GRIP1: variants seen among roughly 807,000 people sequenced by gnomAD.
GRIP1 encodes glutamate receptor interacting protein 1.
Under a neutral mutation model 129.9 loss-of-function variants are expected in GRIP1, and 45 were observed. The ratio of observed to expected loss-of-function variants is 0.35; its 90% CI spans 0.27 to 0.44. GRIP1 has a LOEUF of 0.44. Ranked by LOEUF, GRIP1 falls within the 20% of genes least tolerant of loss-of-function variation. The pLI, the probability that GRIP1 is intolerant of heterozygous loss-of-function variation, is 1.00. For synonymous variants in GRIP1, 530 were observed against 520.8 expected (o/e 1.02, Z -0.24); for missense variants, 1,196 against 1,396.8 (o/e 0.86, Z 2.29).
intron 1 of GRIP1, among the ~76,000 whole-genome samples, chr12:66,928,906 C>T (rs773271733): frequency 2.0e-5 from 3 of 152,136 alleles, no homozygotes; most frequent in Non-Finnish European, 4.4e-5. Flanking sequence ...CACTGTGTAT[C>T]CCCAGGGAAA....
At chr12:66,962,439 G>A (rs2041934924) in intron 1 of GRIP1, among the ~76,000 whole-genome samples, 1 of 152,112 alleles carries the variant, frequency 6.6e-6, no homozygotes, top group Admixed American at 6.6e-5. Flanking sequence ...TGAAGCATGA[G>A]GCCTTTGCAA....
At chr12:66,376,426 A>G (rs1414452432) in intron 22 of GRIP1, among the ~76,000 whole-genome samples, 1 of 152,212 alleles carries the variant, frequency 6.6e-6, no homozygotes, top group East Asian at 1.9e-4. Flanking sequence ...AAGAACATAA[A>G]AGGAAACAGT....
intron 1 of GRIP1, among the ~76,000 whole-genome samples, chr12:66,694,678 A>C (rs938324258): frequency 6.6e-6 from 1 of 152,172 alleles, no homozygotes; most frequent in African/African-American, 2.4e-5. Flanking sequence ...ATTGCTGGTG[A>C]TATTAACTTA....
At chr12:66,457,986 T>C (rs1010350745) in intron 9 of GRIP1, among the ~76,000 whole-genome samples, 2 of 152,262 alleles carry the variant, frequency 1.3e-5, no homozygotes, top group Admixed American at 6.5e-5. Context: ...CAAATGAGTT[T>C]AGAGTATATT....
In GRIP1 at chr12:66,417,106, C is replaced by A. The variant is rs535211261; in HGVS notation, c.1838+3614G>T. On this transcript the variant is annotated intron_variant, in intron 15 of 24. Transcript: ENST00000359742. ...ATGATTCATCACAACCAAGTTGGAT[C>A]ACAACCCAGGGATTAAAAGATGGTG... is the stretch of plus-strand genomic sequence containing the variant. Among the ~76,000 whole-genome samples the A allele has an allele frequency of 2.0e-5, 3 of 152,178 alleles. No individual in the cohort carries two copies. The East Asian group carries it at 5.8e-4, about 29-fold the overall frequency.
At chr12:66,791,522 A>C (rs954410799) in intron 1 of GRIP1, among the ~76,000 whole-genome samples, 2 of 152,268 alleles carry the variant, frequency 1.3e-5, no homozygotes, top group African/African-American at 4.8e-5. Flanking sequence ...TGAAGACCAC[A>C]GATGGTTTGA....
chr12:66,387,556 G>T (rs549821774), intron 19 of GRIP1, among the ~76,000 whole-genome samples: 1 of 152,242 alleles, frequency 6.6e-6, no homozygotes, highest in South Asian at 2.1e-4. Flanking sequence ...GAGAGCAAAG[G>T]CATAGAAAAA....
chr12:67,022,014 T>C (rs750506661), intron 1 of GRIP1, among the ~76,000 whole-genome samples: 16 of 152,180 alleles, frequency 1.1e-4, no homozygotes, highest in Non-Finnish European at 2.1e-4. Flanking sequence ...TAGTATTCCA[T>C]GGTGTGTATG....
chr12:66,646,729 G>A (rs2032401869), intron 1 of GRIP1, among the ~76,000 whole-genome samples: 1 of 152,148 alleles, frequency 6.6e-6, no homozygotes, highest in Non-Finnish European at 1.5e-5. Context: ...CCACCCCATT[G>A]ATGGGATAAG....
At chr12:66,892,296 C>T (rs1351854899) in intron 1 of GRIP1, among the ~76,000 whole-genome samples, 1 of 152,184 alleles carries the variant, frequency 6.6e-6, no homozygotes, top group Non-Finnish European at 1.5e-5. Flanking sequence ...TGGATGACTA[C>T]AGCAGCCTCC....
chr12:66,770,757 G>A (rs2037792198), intron 1 of GRIP1, among the ~76,000 whole-genome samples: 1 of 152,024 alleles, frequency 6.6e-6, no homozygotes, highest in African/African-American at 2.4e-5. Context: ...CTATTTCATG[G>A]TACCAGTAAC....
chr12:66,735,964 GA>G (rs2036581746), intron 1 of GRIP1, among the ~76,000 whole-genome samples: 1 of 152,082 alleles, frequency 6.6e-6, no homozygotes, highest in South Asian at 2.1e-4. Flanking sequence ...TGAGAAGAGG[GA>G]TCTTGAGACA....
chr12:66,707,422 T>C (rs2035567785), intron 1 of GRIP1, among the ~76,000 whole-genome samples: 1 of 150,648 alleles, frequency 6.6e-6, no homozygotes, highest in African/African-American at 2.4e-5. Flanking sequence ...TAATGTACGA[T>C]TTAAAATTAC....
chr12:66,370,312 T>C (rs957080541), intron 23 of GRIP1, among the ~76,000 whole-genome samples: 4 of 152,116 alleles, frequency 2.6e-5, no homozygotes, highest in African/African-American at 4.8e-5. Context: ...CCCTGGGGAG[T>C]TGTAATACGT....
intron 1 of GRIP1, among the ~76,000 whole-genome samples, chr12:66,745,546 C>G (rs183836933): frequency 2.0e-5 from 3 of 152,110 alleles, no homozygotes; most frequent in African/African-American, 7.2e-5. Context: ...AGCAAATACA[C>G]GCATGAAAGA....
intron 6 of GRIP1, among the ~76,000 whole-genome samples, chr12:66,516,554 T>A (rs1019246120): frequency 2.0e-5 from 3 of 152,222 alleles, no homozygotes; most frequent in Non-Finnish European, 4.4e-5. Context: ...ATTTTTTTCT[T>A]AAATTCTCAG....
chr12:66,609,358 A>G (rs1367149155), intron 1 of GRIP1, among the ~76,000 whole-genome samples: 1 of 152,134 alleles, frequency 6.6e-6, no homozygotes, highest in African/African-American at 2.4e-5. Context: ...TTCTACCACA[A>G]TAATGATGCA....
At chr12:66,826,300 C>T (rs1023227230) in intron 1 of GRIP1, among the ~76,000 whole-genome samples, 2 of 151,900 alleles carry the variant, frequency 1.3e-5, no homozygotes, top group African/African-American at 4.8e-5. Flanking sequence ...TGGGGCCTGT[C>T]AGGGGATGCG....
At chr12:66,964,946 C>G (rs1322374703) in intron 1 of GRIP1, among the ~76,000 whole-genome samples, 1 of 151,920 alleles carries the variant, frequency 6.6e-6, no homozygotes, top group African/African-American at 2.4e-5. Context: ...TTTGTGTGTC[C>G]AAATTTCCTC....
Sources: gnomAD v4.1 joint callset for allele counts (sites outside exome capture counted in the v4.1 genomes callset) on GRCh38, gnomAD v4.1.1 for gene constraint, MANE v1.5 for transcripts, NCBI Gene and HGNC (gene_info 2026-07-23, HGNC 2026-07-21) for gene names.